Variants in RGS6 observed in about 807,000 individuals in gnomAD.
RGS6 encodes the protein regulator of G protein signaling 6.
RGS6 carries 30 observed loss-of-function variants against 78.5 expected under a neutral mutation model. The ratio of observed to expected loss-of-function variants is 0.38; its 90% confidence interval spans 0.29 to 0.52. The LOEUF (loss-of-function observed/expected upper bound fraction) is 0.52, where lower values mean the gene tolerates loss of function less well. RGS6 is among the 20% of genes least tolerant of loss of function. The pLI is 0.85. For missense variants in RGS6, 495 were observed against 609.7 expected (o/e 0.81, Z 1.98); for synonymous variants, 206 against 206.0 (o/e 1.00, Z 0.00).
chr14:72,607,244 T>C, the RGS6 span, among the ~76,000 whole-genome samples: 4 of 152,282 alleles, frequency 2.6e-5, no homozygotes, highest in Non-Finnish European at 5.9e-5. Flanking sequence ...TAAAGTGCCA[T>C]AGACTGGGTG....
intron 3 of RGS6, 75 bp downstream of exon 3, chr14:72,352,269 G>T: frequency 9.4e-7 from 1 of 1,065,442 alleles, no homozygotes; most frequent in East Asian, 2.5e-5. Context: ...GCGGCCTGAG[G>T]GGTGTCTGAA....
At chr14:72,370,220 T>C (rs2083216813) in intron 3 of RGS6, among the ~76,000 whole-genome samples, 1 of 152,056 alleles carries the variant, frequency 6.6e-6, no homozygotes, top group Non-Finnish European at 1.5e-5. Context: ...TGGGCCAAGA[T>C]TCATGCTAAC....
At chr14:72,008,059 AG>A (rs1450399664) in intron 2 of RGS6, among the ~76,000 whole-genome samples, 37 of 152,344 alleles carry the variant, frequency 2.4e-4, no homozygotes, top group African/African-American at 8.9e-4. Context: ...GTGAGACTAA[AG>A]CCATAGAGAA....
the RGS6 span, among the ~76,000 whole-genome samples, chr14:72,616,057 A>G: frequency 1.3e-5 from 2 of 152,126 alleles, no homozygotes. Context: ...GACAATAGCT[A>G]CCATGGAGTG....
intron 3 of RGS6, among the ~76,000 whole-genome samples, chr14:72,440,865 C>G (rs1320901996): frequency 6.6e-6 from 1 of 152,016 alleles, no homozygotes; most frequent in Non-Finnish European, 1.5e-5. Context: ...GAGTTGCGGG[C>G]ATATGTGAGG....
chr14:72,061,292 T>G (rs768942115), intron 2 of RGS6, among the ~76,000 whole-genome samples: 1 of 152,178 alleles, frequency 6.6e-6, no homozygotes, highest in Non-Finnish European at 1.5e-5. Context: ...AGCAGTATCC[T>G]TTGGTTGGGA....
chr14:72,012,482 A>G (rs1027516046), intron 2 of RGS6, among the ~76,000 whole-genome samples: 2 of 152,248 alleles, frequency 1.3e-5, no homozygotes, highest in Non-Finnish European at 2.9e-5. Context: ...ACATATAAAA[A>G]TAATTTATTT....
Position 72,140,469 on chromosome 14 carries a change from C to G in RGS6, c.84+175594C>G, listed in dbSNP as rs116708336. Among the ~76,000 whole-genome samples the G allele has an allele frequency of 5.2e-3, 799 of 152,256 alleles. 6 individuals are homozygous for G. Among genetic ancestry groups the G allele is most frequent in the African/African-American group, 0.019 (772 of 41,538 alleles). On this transcript the variant is annotated intron_variant, in intron 2 of 17. Coordinates refer to ENST00000553525, the MANE Select transcript of RGS6 (RefSeq NM_001204424.2). ...ATGGGTTAGAAGCTGGTACTAGAATCAGAATGATAGGCCATAGGACTCAGC... is the reference window on the plus strand; with the variant it reads ...ATGGGTTAGAAGCTGGTACTAGAATGAGAATGATAGGCCATAGGACTCAGC...
chr14:72,266,134 A>G (rs1425699580), intron 2 of RGS6, among the ~76,000 whole-genome samples: 1 of 152,116 alleles, frequency 6.6e-6, no homozygotes, highest in Non-Finnish European at 1.5e-5. Context: ...TCCTCGCTGT[A>G]TTGAAGGGGG....
chr14:71,964,965 T>TA, intron 2 of RGS6, 90 bp downstream of exon 2: 1 of 869,530 alleles, frequency 1.2e-6, no homozygotes. Context: ...GTTTTCTGCC[T>TA]AAACTGCCTT....
At chr14:72,000,710 C>CAA (rs2083260327) in intron 2 of RGS6, among the ~76,000 whole-genome samples, 1 of 152,010 alleles carries the variant, frequency 6.6e-6, no homozygotes, top group Non-Finnish European at 1.5e-5. Flanking sequence ...GAGCTATTTC[C>CAA]AGAAAAAGAA....
chr14:72,204,320 A>G (rs2042248691), intron 2 of RGS6, among the ~76,000 whole-genome samples: 1 of 152,192 alleles, frequency 6.6e-6, no homozygotes, highest in Admixed American at 6.5e-5. Context: ...GCAAGTCACC[A>G]AACATAGCCC....
intron 2 of RGS6, among the ~76,000 whole-genome samples, chr14:72,013,891 C>T (rs1374141842): frequency 1.3e-5 from 2 of 152,172 alleles, no homozygotes; most frequent in East Asian, 1.9e-4. Flanking sequence ...CCGTGCTGGT[C>T]GTGTTCTTTA....
intron 2 of RGS6, among the ~76,000 whole-genome samples, chr14:72,245,082 T>TA (rs1164141462): frequency 6.6e-6 from 1 of 152,208 alleles, no homozygotes; most frequent in African/African-American, 2.4e-5. Flanking sequence ...TTCTAAACGA[T>TA]ATCAGCGTTG....
At chr14:72,402,790 G>GTTTTTTTTTTTTTTTTTTTTTTTTTTTC (rs1167831473) in intron 3 of RGS6, among the ~76,000 whole-genome samples, 1 of 75,800 alleles carries the variant, frequency 1.3e-5, no homozygotes, top group Non-Finnish European at 2.3e-5. Flanking sequence ...TGTTTTTTTG[G>GTTTTTTTTTTTTTTTTTTTTTTTTTTTC]TTTTTTTTTT....
chr14:71,897,811 G>T, the RGS6 span, among the ~76,000 whole-genome samples: 2 of 152,076 alleles, frequency 1.3e-5, no homozygotes, highest in African/African-American at 4.8e-5. Flanking sequence ...GAGCCACCGC[G>T]CCCGGCCCCA....
In RGS6 at chr14:72,030,600, G is replaced by A. The variant is rs554429808; in HGVS notation, c.84+65725G>A. ...CTAGAAAGATTTCATAATTGTTAAG[G>A]TGTAGGCTTTTTACTGCACCTGGAG... On this transcript the variant is annotated intron_variant, in intron 2 of 17. Transcript: ENST00000553525. Among the ~76,000 whole-genome samples, 340 of 152,288 alleles carry A rather than the reference G, an allele frequency of 2.2e-3. 1 individual carries two copies. Among genetic ancestry groups the A allele is most frequent in the Middle Eastern group, 0.017 (5 of 294 alleles).
intron 2 of RGS6, among the ~76,000 whole-genome samples, chr14:72,328,198 G>A (rs1224158446): frequency 6.6e-6 from 1 of 152,126 alleles, no homozygotes; most frequent in Non-Finnish European, 1.5e-5. Flanking sequence ...ACCAGTGAGG[G>A]TAATCTTTAC....
At chr14:72,192,662 C>T (rs540325990) in intron 2 of RGS6, among the ~76,000 whole-genome samples, 16 of 152,308 alleles carry the variant, frequency 1.1e-4, no homozygotes, top group Non-Finnish European at 1.5e-4. Flanking sequence ...CTCTTAGAGG[C>T]TATTGGGTTT....
Sources: allele counts gnomAD v4.1 joint callset (sites outside exome capture counted in the v4.1 genomes callset), GRCh38; gene constraint gnomAD v4.1.1; transcripts MANE v1.5; gene names NCBI Gene and HGNC (gene_info 2026-07-23, HGNC 2026-07-21).